TDRD3: variants seen among roughly 807,000 people sequenced by gnomAD.
TDRD3 encodes the protein tudor domain containing 3, also known as tudor domain-containing protein 3.
A neutral mutation model predicts 86.7 loss-of-function variants in TDRD3; 45 were observed. The ratio of observed to expected loss-of-function variants is 0.52; its 90% CI spans 0.41 to 0.67. TDRD3 has a LOEUF of 0.67. TDRD3 is among the 30% of genes least tolerant of loss of function. TDRD3 has a pLI of 0.00. For synonymous variants in TDRD3, 298 were observed against 301.7 expected (o/e 0.99, Z 0.13); for missense variants, 814 against 889.0 (o/e 0.92, Z 1.07).
At position 60,511,036 on chromosome 13, in the gene TDRD3, G is replaced by T. The variant is rs568838056; in HGVS notation, c.1141+281G>T. Among the ~76,000 whole-genome samples the T allele has an allele frequency of 5.3e-5, 8 of 152,032 alleles. No homozygotes were observed. In the South Asian group the frequency reaches 1.7e-3, roughly 32 times the overall value. On this transcript the variant is annotated intron_variant, in intron 10 of 13. Coordinates refer to ENST00000377881, the MANE Select transcript of TDRD3 (RefSeq NM_001146070.2). ...ACAGATATAACTGTGTAAACAGGTT[G>T]TTGTGTTGGAAATTTATTATAATCT... is the stretch of plus-strand genomic sequence containing the variant.
chr13:60,440,595 C>T (rs887351406), intron 2 of TDRD3, among the ~76,000 whole-genome samples: 9 of 152,040 alleles, frequency 5.9e-5, no homozygotes, highest in African/African-American at 1.7e-4. Flanking sequence ...ACAGAAGAAT[C>T]GCTTGAACCC....
At chr13:60,526,453 CA>C (rs1448525568) in intron 10 of TDRD3, among the ~76,000 whole-genome samples, 4 of 152,096 alleles carry the variant, frequency 2.6e-5, no homozygotes, top group African/African-American at 9.7e-5. Flanking sequence ...TGATTATGGT[CA>C]CTGCTATTCT....
chr13:60,440,123 G>A (rs555049677), intron 2 of TDRD3, among the ~76,000 whole-genome samples: 1 of 152,012 alleles, frequency 6.6e-6, no homozygotes, highest in South Asian at 2.1e-4. Context: ...AGAAACTCTA[G>A]CTAGGTTATA....
At chr13:60,449,536 A>G (rs1955486092) in intron 3 of TDRD3, among the ~76,000 whole-genome samples, 1 of 152,146 alleles carries the variant, frequency 6.6e-6, no homozygotes, top group African/African-American at 2.4e-5. Flanking sequence ...TGGTAGTCCC[A>G]CATACTTTCC....
chr13:60,523,573 CTTTTTTTTTT>C (rs67692021), intron 10 of TDRD3, among the ~76,000 whole-genome samples: 58 of 105,026 alleles, frequency 5.5e-4, no homozygotes, highest in Admixed American at 1.2e-3. Context: ...ATACATTTTT[CTTTTTTTTTT>C]TTTTTTTTTT....
chr13:60,468,905 T>A (rs1398914253), intron 5 of TDRD3, among the ~76,000 whole-genome samples: 1 of 152,212 alleles, frequency 6.6e-6, no homozygotes, highest in Admixed American at 6.5e-5. Context: ...CACCCTCAAA[T>A]CTTGCCTGTT....
chr13:60,544,954 T>C (rs1019723717), intron 12 of TDRD3, among the ~76,000 whole-genome samples: 1 of 152,224 alleles, frequency 6.6e-6, no homozygotes, highest in Non-Finnish European at 1.5e-5. Context: ...TAATTATTTA[T>C]TGAATGATGG....
chr13:60,474,348 G>C (rs1312476412), intron 5 of TDRD3, among the ~76,000 whole-genome samples: 1 of 152,086 alleles, frequency 6.6e-6, no homozygotes, highest in East Asian at 1.9e-4. Flanking sequence ...GTCACTACCG[G>C]TCTCCGCGCC....
chr13:60,506,442 A>ATTGT lies in TDRD3; in HGVS notation c.859-3321_859-3320insTTGT, dbSNP rs1956938822. 5.9e-5 allele frequency among the ~76,000 whole-genome samples: 9 copies of ATTGT among 152,280 alleles called. No individual in the cohort carries two copies. In the South Asian group the frequency reaches 1.9e-3, roughly 32 times the overall value. On this transcript the variant is annotated intron_variant, in intron 8 of 13. Coordinates refer to ENST00000377881, the MANE Select transcript of TDRD3 (RefSeq NM_001146070.2). ...TACTAACCACTGCAAAAACATACCAAATTGTAAAGAACATTGACACTGGCC... is the reference window on the plus strand; with the variant it reads ...TACTAACCACTGCAAAAACATACCAATTGTATTGTAAAGAACATTGACACTGGCC...
intron 3 of TDRD3, among the ~76,000 whole-genome samples, chr13:60,447,270 A>G (rs772183727): frequency 6.6e-6 from 1 of 152,158 alleles, no homozygotes; most frequent in Non-Finnish European, 1.5e-5. Context: ...GCATTAAATG[A>G]TACGGACCAG....
chr13:60,558,880 C>T (rs1958264907), intron 12 of TDRD3, among the ~76,000 whole-genome samples: 1 of 151,076 alleles, frequency 6.6e-6, no homozygotes, highest in South Asian at 2.1e-4. Flanking sequence ...AGTTTTTGAA[C>T]TTCTGAAGAA....
intron 7 of TDRD3, among the ~76,000 whole-genome samples, chr13:60,490,117 T>C (rs901923967): frequency 1.3e-5 from 2 of 150,454 alleles, no homozygotes; most frequent in East Asian, 3.9e-4. Context: ...AGAGAATTTA[T>C]GGAGGCTTAA....
rs113402320 is a variant in TDRD3, at chr13:60,414,886, G to T, written c.41+17481G>T. ...TAGAATACCTAGACAACAGACAGTG[G>T]TTTTTTTTTTCTGTTTTTGTTTTTA... On this transcript the variant is annotated intron_variant, in intron 1 of 13. Coordinates refer to ENST00000377881, the MANE Select transcript of TDRD3 (RefSeq NM_001146070.2). Among the ~76,000 whole-genome samples the T allele has an allele frequency of 1.5e-3, 226 of 148,414 alleles. 3 individuals are homozygous for T. The highest frequency in any genetic ancestry group is 1.6e-3 in the Non-Finnish European group (105 of 66,760).
At chr13:60,506,734 G>A (rs995752282) in intron 8 of TDRD3, among the ~76,000 whole-genome samples, 2 of 152,076 alleles carry the variant, frequency 1.3e-5, no homozygotes, top group African/African-American at 4.8e-5. Flanking sequence ...TCCAGCCTGG[G>A]TGACAGAATG....
At chr13:60,562,701 G>A (rs1051936368) in intron 12 of TDRD3, among the ~76,000 whole-genome samples, 2 of 152,142 alleles carry the variant, frequency 1.3e-5, no homozygotes, top group Non-Finnish European at 2.9e-5. Flanking sequence ...ATATGCTGAT[G>A]TATGTATTGT....
In TDRD3 at chr13:60,561,400, AG is replaced by A. The variant is rs201185518; in HGVS notation, c.2119-6123del. Among the ~76,000 whole-genome samples the A allele has an allele frequency of 7.3e-3, 1,104 of 152,244 alleles. 11 individuals are homozygous for A. Among genetic ancestry groups the A allele is most frequent in the South Asian group, 0.019 (90 of 4,814 alleles). On this transcript the variant is annotated intron_variant, in intron 12 of 13. Coordinates refer to ENST00000377881, the MANE Select transcript of TDRD3 (RefSeq NM_001146070.2). The stretch of plus-strand genomic sequence containing the variant: ...CCAATTGGTTGTCAGTGAGTAGCAA[AG>A]GTTGAAGTAGGTTGGGTTTTTAATT...
chr13:60,523,424 A>G (rs1957334311), intron 10 of TDRD3, among the ~76,000 whole-genome samples: 1 of 152,140 alleles, frequency 6.6e-6, no homozygotes, highest in Non-Finnish European at 1.5e-5. Context: ...GAAAATTAAA[A>G]TCTTGTAATA....
chr13:60,459,310 C>G (rs1445396659), intron 3 of TDRD3, among the ~76,000 whole-genome samples: 1 of 152,188 alleles, frequency 6.6e-6, no homozygotes, highest in African/African-American at 2.4e-5. Flanking sequence ...TATGATACTA[C>G]TTAAAGATGT....
At chr13:60,497,859 C>A (rs888253121) in intron 8 of TDRD3, among the ~76,000 whole-genome samples, 3 of 151,810 alleles carry the variant, frequency 2.0e-5, no homozygotes, top group African/African-American at 7.3e-5. Flanking sequence ...ATCTGAAGAG[C>A]AGACATGGGA....
Sources: gnomAD v4.1 joint callset for allele counts (sites outside exome capture counted in the v4.1 genomes callset) on GRCh38, gnomAD v4.1.1 for gene constraint, MANE v1.5 for transcripts, NCBI Gene and HGNC (gene_info 2026-07-23, HGNC 2026-07-21) for gene names.